The following ZNF704 variants were observed in gnomAD, a reference collection of about 807,000 sequenced individuals.
The protein encoded by ZNF704 is zinc finger protein 704, also known as glucocorticoid induced gene 1.
In ZNF704, 10 loss-of-function variants were observed where a neutral mutation model predicts 44.7. The ratio of observed to expected loss-of-function variants is 0.22; its 90% confidence interval spans 0.14 to 0.38. The LOEUF (loss-of-function observed/expected upper bound fraction) is 0.38, where lower values mean the gene tolerates loss of function less well. ZNF704 is among the 10% of genes least tolerant of loss of function. The pLI is 1.00. For missense variants in ZNF704, 390 were observed against 545.5 expected, an observed-to-expected ratio of 0.71 and a Z score of 2.84; for synonymous variants, 211 against 207.6, an observed-to-expected ratio of 1.02 and a Z score of -0.14.
chr8:80,739,828 C>T (rs1806726760), intron 2 of ZNF704, among the ~76,000 whole-genome samples: 1 of 152,192 alleles, frequency 6.6e-6, no homozygotes, highest in African/African-American at 2.4e-5. Context: ...AAGCCGCCCC[C>T]TCGTCCATGT....
chr8:80,825,401 T>C (rs548009579), intron 1 of ZNF704, among the ~76,000 whole-genome samples: 17 of 152,290 alleles, frequency 1.1e-4, no homozygotes, highest in Non-Finnish European at 2.1e-4. Flanking sequence ...ATATACCCAA[T>C]ACAGGAGCAC....
At chr8:80,687,588 G>C (rs75707148) in intron 3 of ZNF704, 130 bp from the exon 4 acceptor site, 2 of 646,742 alleles carry the variant, frequency 3.1e-6, no homozygotes, top group South Asian at 2.2e-5. Context: ...CAACAGCTGG[G>C]TATGTAAGTT....
Position 80,844,424 on chromosome 8 carries a change from C to T in ZNF704, c.-21-22809G>A, listed in dbSNP as rs376299736. On this transcript the variant is annotated intron_variant, in intron 1 of 8. Transcript: ENST00000327835. ...TCTCTGGCCTCTTCTTTTAAGCACA[C>T]GAACCCCATTCATGAGAGTTTCACC... 1.7e-3 allele frequency among the ~76,000 whole-genome samples: 262 copies of T among 152,224 alleles called. 5 individuals carry two copies. In the South Asian group the frequency reaches 0.023, roughly 13 times the overall value.
chr8:80,723,258 A>AT (rs1397638892), intron 2 of ZNF704, among the ~76,000 whole-genome samples: 1 of 152,176 alleles, frequency 6.6e-6, no homozygotes, highest in Non-Finnish European at 1.5e-5. Context: ...AGACAATTTT[A>AT]TTTTTTGTAT....
chr8:80,766,446 C>G (rs556559955), intron 2 of ZNF704, among the ~76,000 whole-genome samples: 2 of 152,182 alleles, frequency 1.3e-5, no homozygotes, highest in South Asian at 4.1e-4. Flanking sequence ...CACCCCTGTC[C>G]TTTCCTGGGG....
intron 2 of ZNF704, among the ~76,000 whole-genome samples, chr8:80,804,368 T>C (rs1435693272): frequency 2.0e-5 from 3 of 152,180 alleles, no homozygotes; most frequent in Non-Finnish European, 4.4e-5. Context: ...TAAAGACACA[T>C]GCATGCATAT....
At chr8:80,752,666 C>G (rs1806964493) in intron 2 of ZNF704, among the ~76,000 whole-genome samples, 1 of 152,132 alleles carries the variant, frequency 6.6e-6, no homozygotes, top group African/African-American at 2.4e-5. Flanking sequence ...ATCAGCCTCC[C>G]TAGTGGCTAG....
intron 2 of ZNF704, among the ~76,000 whole-genome samples, chr8:80,748,188 G>A (rs920243747): frequency 8.5e-5 from 13 of 152,294 alleles, no homozygotes; most frequent in Middle Eastern, 6.8e-3. Context: ...AGATTGTGAT[G>A]TAGAAATGCC....
intron 7 of ZNF704, among the ~76,000 whole-genome samples, chr8:80,655,738 G>A (rs189053560): frequency 3.2e-4 from 49 of 152,196 alleles, no homozygotes; most frequent in Admixed American, 1.0e-3. Context: ...TTTCTTGTAA[G>A]TTTTTCTCTT....
At chr8:80,646,003 GC>G (rs1341666728) in intron 7 of ZNF704, among the ~76,000 whole-genome samples, 3 of 152,144 alleles carry the variant, frequency 2.0e-5, no homozygotes, top group Non-Finnish European at 4.4e-5. Context: ...GGCCAGTTTG[GC>G]CCCCCTCACC....
At chr8:80,771,868 A>G (rs905212418) in intron 2 of ZNF704, among the ~76,000 whole-genome samples, 2 of 151,938 alleles carry the variant, frequency 1.3e-5, no homozygotes, top group South Asian at 4.1e-4. Flanking sequence ...TTCTATTTCT[A>G]TTTTTCTTAG....
At chr8:80,796,883 GGAAATGGAAAGGGAAAGA>G (rs1807811083) in intron 2 of ZNF704, among the ~76,000 whole-genome samples, 1 of 145,782 alleles carries the variant, frequency 6.9e-6, no homozygotes, top group Admixed American at 7.0e-5. Flanking sequence ...AAAGAGAGAG[GGAAATGGAAAGGGAAAGA>G]GAAAGGGAAA....
chr8:80,720,356 A>T (rs1819144818), intron 2 of ZNF704, among the ~76,000 whole-genome samples: 1 of 152,248 alleles, frequency 6.6e-6, no homozygotes, highest in African/African-American at 2.4e-5. Flanking sequence ...CATGCAGGTT[A>T]TAAGAGGATT....
rs1196339400 is a variant in ZNF704, at chr8:80,827,604, A to G, written c.-21-5989T>C. ...TTCATATGGAACCAAAAAAGAGCCC[A>G]CATTGCCAAGTCAATCCTAAGCCAA... On this transcript the variant is annotated intron_variant, in intron 1 of 8. Transcript: ENST00000327835. Among the ~76,000 whole-genome samples, 5 of 152,302 alleles carry G rather than the reference A, an allele frequency of 3.3e-5. No homozygotes were observed. The South Asian group carries it at 8.3e-4, about 25-fold the overall frequency.
intron 1 of ZNF704, among the ~76,000 whole-genome samples, chr8:80,823,607 C>T (rs575370274): frequency 1.1e-4 from 16 of 152,292 alleles, no homozygotes; most frequent in Admixed American, 6.5e-4. Context: ...GATCTGCAAA[C>T]GTACAGTCTG....
intron 2 of ZNF704, among the ~76,000 whole-genome samples, chr8:80,697,245 T>C (rs149670176): frequency 3.9e-5 from 6 of 152,230 alleles, no homozygotes; most frequent in Admixed American, 2.0e-4. Context: ...GTTTGTTGTA[T>C]TCCTATAAGC....
chr8:80,800,958 T>C (rs141839902), intron 2 of ZNF704, among the ~76,000 whole-genome samples: 12 of 151,930 alleles, frequency 7.9e-5, no homozygotes, highest in African/African-American at 2.9e-4. Flanking sequence ...AATAAAGGGA[T>C]GGAGGAAAAT....
intron 2 of ZNF704, among the ~76,000 whole-genome samples, chr8:80,821,041 G>T (rs1210279887): frequency 6.6e-6 from 1 of 152,314 alleles, no homozygotes; most frequent in Admixed American, 6.5e-5. Context: ...CTTTGAAGTG[G>T]CTACAGTCCT....
At chr8:80,839,692 C>T (rs1326377325) in intron 1 of ZNF704, among the ~76,000 whole-genome samples, 2 of 152,156 alleles carry the variant, frequency 1.3e-5, no homozygotes, top group African/African-American at 2.4e-5. Flanking sequence ...AGGGAGATGG[C>T]TCAAAAGAAG....
Sources: gnomAD v4.1 joint callset for allele counts (sites outside exome capture counted in the v4.1 genomes callset) on GRCh38, gnomAD v4.1.1 for gene constraint, MANE v1.5 for transcripts, NCBI Gene and HGNC (gene_info 2026-07-23, HGNC 2026-07-21) for gene names.